Variants in TNKS observed in about 807,000 individuals in gnomAD.
The protein encoded by TNKS is tankyrase.
TNKS carries 72 observed loss-of-function variants against 135.8 expected under a neutral mutation model. The ratio of observed to expected loss-of-function variants is 0.53; its 90% confidence interval spans 0.44 to 0.64. The LOEUF (loss-of-function observed/expected upper bound fraction) is 0.64. Ranked by LOEUF, TNKS falls within the 30% of genes least tolerant of loss-of-function variation. TNKS has a pLI of 0.00. For synonymous variants in TNKS, 849 were observed against 649.3 expected (o/e 1.31, Z -4.68); for missense variants, 1,769 against 1,674.0 (o/e 1.06, Z -0.99).
At chr8:9,596,805 T>C (rs1214360170) in intron 2 of TNKS, among the ~76,000 whole-genome samples, 1 of 152,246 alleles carries the variant, frequency 6.6e-6, no homozygotes, top group Non-Finnish European at 1.5e-5. Context: ...GACACAGGTT[T>C]GAGTGCTGGT....
chr8:9,620,387 G>A (rs923992559), intron 3 of TNKS, among the ~76,000 whole-genome samples: 1 of 152,068 alleles, frequency 6.6e-6, no homozygotes. Context: ...TCTGTTTCAC[G>A]ACAGCAGTAG....
In TNKS at chr8:9,709,951, A is replaced by T; in HGVS notation, c.1579-4A>T. 1 of 1,612,636 alleles carries T rather than the reference A, an allele frequency of 6.2e-7. No homozygotes were observed. The highest frequency in any genetic ancestry group is 1.8e-4 in the Middle Eastern group (1 of 5,548). ...TTATTAACTTGGTTTTGTTTACTTTATAGCACTGTGCTGTGGCCTCTCTGC... is the reference window on the plus strand; with the variant it reads ...TTATTAACTTGGTTTTGTTTACTTTTTAGCACTGTGCTGTGGCCTCTCTGC... On this transcript the variant is annotated splice_polypyrimidine_tract_variant and splice_region_variant and intron_variant, in intron 9 of 26. Coordinates refer to ENST00000310430, the MANE Select transcript of TNKS (RefSeq NM_003747.3).
Position 9,764,739 on chromosome 8 carries a change from C to G in TNKS, c.3396C>G (p.His1132Gln), listed in dbSNP as rs1268778552. Residue 1132 changes from histidine (H) to glutamine (Q), a missense_variant, in exon 23 of 27, where the codon CAC (histidine) becomes CAG (glutamine). Physicochemically the swap from His to Gln is conservative, Grantham distance 24. Coordinates refer to ENST00000310430, the MANE Select transcript of TNKS (RefSeq NM_003747.3). ...EEEMQSTIRE[H>Q]RDGGNAGGIF... ...AGATGCAAAGTACTATTCGAGAACA[C>G]AGAGATGGTGGTAATGCTGGCGGCA... 2.5e-6 allele frequency: 4 copies of G among 1,599,012 alleles called. No individual in the cohort carries two copies. Among genetic ancestry groups the G allele is most frequent in the Non-Finnish European group, 3.4e-6 (4 of 1,174,808 alleles).
At chr8:9,630,402 A>G (rs1800242983) in intron 3 of TNKS, among the ~76,000 whole-genome samples, 1 of 152,184 alleles carries the variant, frequency 6.6e-6, no homozygotes. Flanking sequence ...CAATGAGAAG[A>G]TTTGAAAAGG....
intron 12 of TNKS, 33 bp from the exon 13 acceptor site, chr8:9,726,608 A>G: frequency 1.3e-6 from 2 of 1,482,734 alleles, no homozygotes; most frequent in Non-Finnish European, 1.9e-6. Context: ...GAGTTTGGAT[A>G]TATATATGAG....
chr8:9,666,375 T>C (rs1249754412), intron 3 of TNKS, among the ~76,000 whole-genome samples: 2 of 152,160 alleles, frequency 1.3e-5, no homozygotes, highest in African/African-American at 4.8e-5. Flanking sequence ...AGGAAATATA[T>C]AAAGAGATTA....
intron 3 of TNKS, among the ~76,000 whole-genome samples, chr8:9,640,296 C>G (rs4841188): frequency 0.98 from 148,742 of 152,026 alleles, 72,840 homozygotes; most frequent in South Asian, 1. Context: ...CCACGGCAGA[C>G]GGCAAGACAG....
intron 13 of TNKS, among the ~76,000 whole-genome samples, chr8:9,726,924 A>G (rs1027554838): frequency 2.0e-5 from 3 of 152,228 alleles, no homozygotes; most frequent in African/African-American, 7.2e-5. Context: ...ATGTGTGTGT[A>G]TGTATATAGG....
chr8:9,660,322 G>A (rs995222138), intron 3 of TNKS, among the ~76,000 whole-genome samples: 72 of 152,210 alleles, frequency 4.7e-4, no homozygotes, highest in African/African-American at 1.5e-3. Context: ...GATGAACATC[G>A]ATGCAAAAAT....
At chr8:9,567,626 C>T (rs569284479) in intron 1 of TNKS, among the ~76,000 whole-genome samples, 11 of 152,132 alleles carry the variant, frequency 7.2e-5, no homozygotes, top group Non-Finnish European at 1.5e-4. Context: ...ACCGTGTTAG[C>T]GAGGATGGTC....
chr8:9,582,907 C>G (rs1000587538), intron 2 of TNKS, among the ~76,000 whole-genome samples: 2 of 152,092 alleles, frequency 1.3e-5, no homozygotes, highest in Non-Finnish European at 2.9e-5. Context: ...TGGCTCACGT[C>G]TGTTATCCCA....
chr8:9,711,922 C>T (rs929435286), intron 11 of TNKS, among the ~76,000 whole-genome samples: 2 of 152,060 alleles, frequency 1.3e-5, no homozygotes, highest in Admixed American at 1.3e-4. Context: ...AAAAGCCTTC[C>T]TTAATTTGGT....
rs569472684 is a variant in TNKS, at chr8:9,585,359, GA to G, written c.898+4984del. ...TGAGTTTCAGAGGCAGGGGAAAAAA[GA>G]AAAAAAAGTCTGATGGAAGAGATCA... On this transcript the variant is annotated intron_variant, in intron 2 of 26. Transcript: ENST00000310430. Among the ~76,000 whole-genome samples the G allele has an allele frequency of 9.3e-5, 14 of 150,992 alleles. 1 individual carries two copies. In the South Asian group the frequency reaches 2.3e-3, roughly 25 times the overall value.
chr8:9,673,706 G>A (rs983922933), intron 3 of TNKS, among the ~76,000 whole-genome samples: 1 of 151,988 alleles, frequency 6.6e-6, no homozygotes, highest in Non-Finnish European at 1.5e-5. Flanking sequence ...GGCCTCCAAG[G>A]CGCTGGGATT....
chr8:9,625,625 T>C (rs989094156), intron 3 of TNKS, among the ~76,000 whole-genome samples: 3 of 152,196 alleles, frequency 2.0e-5, no homozygotes, highest in Non-Finnish European at 2.9e-5. Context: ...TTTAAATTTC[T>C]CTTGAGATTT....
In TNKS at chr8:9,779,290, C is replaced by T. The variant is rs1396073113; in HGVS notation, c.*2554C>T. ...CTGTAGCCGTATGAAGAACCCTTTC[C>T]AATATAAAAGCATGGCATTAAATTA... On this transcript the variant is annotated 3_prime_UTR_variant, in exon 27 of 27. Transcript: ENST00000310430. 1 of 152,528 alleles carries T rather than the reference C, an allele frequency of 6.6e-6. No homozygotes were observed. The highest frequency in any genetic ancestry group is 1.5e-5 in the Non-Finnish European group (1 of 68,018). The allele number at this position is 152,528 out of a possible 1,614,324, so 9.4% of individuals were successfully genotyped here.
chr8:9,600,286 T>A (rs558914492), intron 2 of TNKS, among the ~76,000 whole-genome samples: 1 of 152,092 alleles, frequency 6.6e-6, no homozygotes, highest in Non-Finnish European at 1.5e-5. Flanking sequence ...TGAACTTTAT[T>A]TTTTTGAACT....
intron 2 of TNKS, among the ~76,000 whole-genome samples, chr8:9,598,219 A>G (rs1432574147): frequency 1.3e-5 from 2 of 151,824 alleles, no homozygotes; most frequent in Non-Finnish European, 2.9e-5. Context: ...CTAATTTTTT[A>G]TATTTTTTTA....
At chr8:9,754,819 T>G (rs1422269979) in intron 20 of TNKS, among the ~76,000 whole-genome samples, 2 of 152,220 alleles carry the variant, frequency 1.3e-5, no homozygotes, top group African/African-American at 2.4e-5. Context: ...TATAGACTGC[T>G]GTCTATAAAA....
Sources: gnomAD v4.1 joint callset for allele counts (sites outside exome capture counted in the v4.1 genomes callset) on GRCh38, gnomAD v4.1.1 for gene constraint, MANE v1.5 for transcripts, NCBI Gene and HGNC (gene_info 2026-07-23, HGNC 2026-07-21) for gene names.